The following SEC14L1 variants were observed in gnomAD, a reference collection of about 807,000 sequenced individuals.
SEC14L1 encodes SEC14-like protein 1.
In SEC14L1, 48 loss-of-function variants were observed where a neutral mutation model predicts 85.3. The ratio of observed to expected loss-of-function variants is 0.56; its 90% CI spans 0.45 to 0.72. The LOEUF (loss-of-function observed/expected upper bound fraction) is 0.72. SEC14L1 is among the 30% of genes least tolerant of loss of function. The pLI, the probability that SEC14L1 is intolerant of heterozygous loss-of-function variation, is 0.00. For missense variants in SEC14L1, 682 were observed against 921.4 expected (o/e 0.74, Z 3.36); for synonymous variants, 391 against 355.5 (o/e 1.10, Z -1.12).
intron 9 of SEC14L1, among the ~76,000 whole-genome samples, chr17:77,203,235 T>C (rs1048568323): frequency 3.3e-5 from 5 of 152,214 alleles, no homozygotes; most frequent in Non-Finnish European, 7.3e-5. Flanking sequence ...GCCCAGCTTA[T>C]GGGCAGTTGT....
chr17:77,093,088 T>C (rs1233565367), intron 2 of SEC14L1, among the ~76,000 whole-genome samples: 1 of 152,090 alleles, frequency 6.6e-6, no homozygotes, highest in African/African-American at 2.4e-5. Flanking sequence ...TGGGGGCCCA[T>C]TCCCCGCAGG....
chr17:77,152,498 T>C (rs1312054532), intron 3 of SEC14L1: 5 of 144,656 alleles, frequency 3.5e-5, no homozygotes, highest in Admixed American at 2.9e-4. Context: ...GTCATGCCAC[T>C]GCACTCCAGC....
intron 3 of SEC14L1, 121 bp from the exon 4 acceptor site, chr17:77,190,682 A>G: frequency 1.1e-6 from 1 of 920,840 alleles, no homozygotes; most frequent in Non-Finnish European, 1.7e-6. Flanking sequence ...ATGTGAAGAC[A>G]GTTGTGGCGC....
intron 3 of SEC14L1, among the ~76,000 whole-genome samples, chr17:77,121,213 A>G (rs1296159666): frequency 6.6e-6 from 1 of 152,230 alleles, no homozygotes; most frequent in Non-Finnish European, 1.5e-5. Flanking sequence ...GTCTGCAGCT[A>G]AGAACATCCT....
rs775791357 is a variant in SEC14L1, at chr17:77,211,908, G to C, written c.1612-42G>C. ...GATGCGCTCGCAGCATGCCGGCCTG[G>C]TGCTCGTGGATCGTGGCTGCCTAAC... On this transcript the variant is annotated intron_variant, in intron 14 of 16. Coordinates refer to ENST00000436233, the MANE Select transcript of SEC14L1 (RefSeq NM_001143998.2). The C allele has an allele frequency of 1.9e-6, 3 of 1,604,144 alleles. No homozygotes were observed. The East Asian group carries it at 6.7e-5, about 36-fold the overall frequency.
chr17:77,155,277 T>G (rs117048487), intron 3 of SEC14L1, among the ~76,000 whole-genome samples: 7 of 152,234 alleles, frequency 4.6e-5, no homozygotes, highest in African/African-American at 1.4e-4. Context: ...GTTCATCTCC[T>G]CTTGCCTGCG....
intron 3 of SEC14L1, among the ~76,000 whole-genome samples, chr17:77,100,891 G>A (rs1227766907): frequency 6.6e-6 from 1 of 151,908 alleles, no homozygotes; most frequent in East Asian, 1.9e-4. Context: ...TTAAAGTTTT[G>A]TTACAATATT....
At chr17:77,114,468 G>T (rs1201388542) in intron 3 of SEC14L1, among the ~76,000 whole-genome samples, 1 of 151,320 alleles carries the variant, frequency 6.6e-6, no homozygotes. Flanking sequence ...AGGTTGCAGT[G>T]AGCCGAGATC....
At chr17:77,168,365 C>G (rs1361629320) in intron 3 of SEC14L1, among the ~76,000 whole-genome samples, 1 of 152,114 alleles carries the variant, frequency 6.6e-6, no homozygotes, top group Non-Finnish European at 1.5e-5. Flanking sequence ...GAACAAGAGC[C>G]TATTTGAGTA....
intron 3 of SEC14L1, among the ~76,000 whole-genome samples, chr17:77,155,629 CT>C (rs1973774430): frequency 6.6e-6 from 1 of 152,232 alleles, no homozygotes; most frequent in Admixed American, 6.5e-5. Flanking sequence ...CCTCACTCTT[CT>C]GCTCGTCCTT....
chr17:77,139,729 A>C (rs1187015701), upstream of SEC14L1, among the ~76,000 whole-genome samples: 1 of 150,910 alleles, frequency 6.6e-6, no homozygotes, highest in Non-Finnish European at 1.5e-5. Context: ...CGATCTCCTG[A>C]CCTCGTGATC....
intron 3 of SEC14L1, among the ~76,000 whole-genome samples, chr17:77,124,994 ATTATTTTTATTATTATT>A (rs1972401762): frequency 3.0e-5 from 3 of 99,132 alleles, no homozygotes; most frequent in African/African-American, 1.4e-4. Context: ...TATTATTATT[ATTATTTTTATTATTATT>A]ATATATTTTT....
chr17:77,122,244 A>C (rs1345828778), intron 3 of SEC14L1, among the ~76,000 whole-genome samples: 1 of 152,184 alleles, frequency 6.6e-6, no homozygotes, highest in South Asian at 2.1e-4. Context: ...GCAAGAAAAC[A>C]TAAATTGTGA....
chr17:77,121,004 A>T (rs551151355), intron 3 of SEC14L1, among the ~76,000 whole-genome samples: 1 of 152,212 alleles, frequency 6.6e-6, no homozygotes, highest in Non-Finnish European at 1.5e-5. Context: ...AGGCAGCAAC[A>T]TCCTGACTTG....
intron 3 of SEC14L1, among the ~76,000 whole-genome samples, chr17:77,146,800 C>A (rs1973332168): frequency 6.6e-6 from 1 of 152,130 alleles, no homozygotes; most frequent in Admixed American, 6.5e-5. Flanking sequence ...AAATATGTTA[C>A]CTTTTTCCTT....
intron 3 of SEC14L1, among the ~76,000 whole-genome samples, chr17:77,149,605 G>A (rs1973465719): frequency 6.6e-6 from 1 of 152,210 alleles, no homozygotes; most frequent in African/African-American, 2.4e-5. Context: ...AGGCTGAAGA[G>A]AGAGGATCCT....
intron 3 of SEC14L1, among the ~76,000 whole-genome samples, chr17:77,120,288 C>T (rs1221422922): frequency 6.6e-6 from 1 of 152,124 alleles, no homozygotes; most frequent in African/African-American, 2.4e-5. Flanking sequence ...AGCGTTCTAA[C>T]CGCCTTGTTT....
chr17:77,207,915 A>G (rs1235513894), intron 13 of SEC14L1, among the ~76,000 whole-genome samples: 1 of 152,166 alleles, frequency 6.6e-6, no homozygotes, highest in African/African-American at 2.4e-5. Flanking sequence ...CTTCTAGCCC[A>G]TGGTGCACAG....
chr17:77,170,268 C>T (rs73376383), intron 3 of SEC14L1, among the ~76,000 whole-genome samples: 12,907 of 152,140 alleles, frequency 0.085, 680 homozygotes, highest in Admixed American at 0.13. Flanking sequence ...GGTCCTGGAA[C>T]GGCAGTCCAT....
Sources: gnomAD v4.1 joint callset for allele counts (sites outside exome capture counted in the v4.1 genomes callset) on GRCh38, gnomAD v4.1.1 for gene constraint, MANE v1.5 for transcripts, NCBI Gene and HGNC (gene_info 2026-07-23, HGNC 2026-07-21) for gene names.